CTNNA3: variants seen among roughly 807,000 people sequenced by gnomAD.
CTNNA3 encodes catenin alpha-3.
A neutral mutation model predicts 95.7 loss-of-function variants in CTNNA3; 76 were observed. That is an observed-to-expected ratio of 0.79 (90% CI 0.66 to 0.96). The LOEUF is 0.96. Among genes scored for constraint, CTNNA3 ranks in the 40% least tolerant of loss-of-function variants. CTNNA3 has a pLI of 0.00. For missense variants in CTNNA3, 1,191 were observed against 1,089.8 expected, an observed-to-expected ratio of 1.09 and a Z score of -1.31; for synonymous variants, 431 against 374.4, an observed-to-expected ratio of 1.15 and a Z score of -1.74.
chr10:66,720,488 C>T (rs895970614), intron 9 of CTNNA3, among the ~76,000 whole-genome samples: 11 of 152,132 alleles, frequency 7.2e-5, no homozygotes, highest in African/African-American at 2.7e-4. Context: ...TAGAGGAAGA[C>T]CCTTCTCTCT....
At chr10:66,594,047 C>T (rs1015247602) in intron 10 of CTNNA3, among the ~76,000 whole-genome samples, 2 of 152,284 alleles carry the variant, frequency 1.3e-5, no homozygotes, top group East Asian at 1.9e-4. Context: ...TTCCACCTGA[C>T]ACTTCCATTT....
chr10:66,704,844 C>T (rs7094174), intron 9 of CTNNA3, among the ~76,000 whole-genome samples: 136,831 of 152,222 alleles, frequency 0.9, 61,697 homozygotes, highest in East Asian at 1. Context: ...ATCTGTAAAG[C>T]TTTACTTCTT....
intron 1 of CTNNA3, among the ~76,000 whole-genome samples, chr10:67,706,880 G>A (rs926777263): frequency 1.3e-5 from 2 of 152,154 alleles, no homozygotes; most frequent in African/African-American, 4.8e-5. Context: ...TTGTCCATCT[G>A]AATAAACAAT....
At chr10:66,760,112 C>T (rs1174632770) in intron 9 of CTNNA3, among the ~76,000 whole-genome samples, 1 of 152,080 alleles carries the variant, frequency 6.6e-6, no homozygotes, top group Non-Finnish European at 1.5e-5. Context: ...ATTTTAAATG[C>T]AATCTATGTT....
At chr10:66,849,971 A>G (rs1168445030) in intron 7 of CTNNA3, among the ~76,000 whole-genome samples, 2 of 97,740 alleles carry the variant, frequency 2.0e-5, no homozygotes, top group East Asian at 5.9e-4. Flanking sequence ...ATTTGAAGAT[A>G]TGAGAGCATG....
At chr10:67,398,816 G>A (rs1564624822) in intron 5 of CTNNA3, among the ~76,000 whole-genome samples, 1 of 152,008 alleles carries the variant, frequency 6.6e-6, no homozygotes, top group Non-Finnish European at 1.5e-5. Context: ...GTTTTATAAG[G>A]GGCTTTTCCC....
At chr10:66,248,574 A>T (rs1381848088) in intron 13 of CTNNA3, among the ~76,000 whole-genome samples, 1 of 152,154 alleles carries the variant, frequency 6.6e-6, no homozygotes, top group African/African-American at 2.4e-5. Context: ...TGGAAACCAA[A>T]AAAAAGAGTA....
intron 5 of CTNNA3, among the ~76,000 whole-genome samples, chr10:67,510,533 G>A (rs1254309586): frequency 6.6e-6 from 1 of 150,910 alleles, no homozygotes; most frequent in East Asian, 1.9e-4. Flanking sequence ...TGAGGCCTCT[G>A]TTCTGTTCCA....
chr10:66,831,700 G>A (rs549618776), intron 7 of CTNNA3, among the ~76,000 whole-genome samples: 72 of 152,170 alleles, frequency 4.7e-4, no homozygotes, highest in Non-Finnish European at 9.4e-4. Flanking sequence ...ACAAAAAAAA[G>A]GGGAAGGAGC....
intron 4 of CTNNA3, among the ~76,000 whole-genome samples, chr10:67,529,439 A>G (rs1409495655): frequency 7.0e-6 from 1 of 143,498 alleles, no homozygotes; most frequent in Non-Finnish European, 1.5e-5. Context: ...TTATGTATCT[A>G]TATGAGAACA....
intron 1 of CTNNA3, among the ~76,000 whole-genome samples, chr10:67,658,457 A>G (rs764825675): frequency 2.2e-4 from 34 of 152,190 alleles, no homozygotes; most frequent in Non-Finnish European, 4.7e-4. Context: ...ATTATTCAAG[A>G]GTGCTTTCAT....
chr10:67,478,102 G>T (rs75813757), intron 5 of CTNNA3, among the ~76,000 whole-genome samples: 4,162 of 152,182 alleles, frequency 0.027, 94 homozygotes, highest in African/African-American at 0.05. Flanking sequence ...TTGAAGATAG[G>T]TCTTTTTGAA....
chr10:66,444,273 T>A (rs936088810), intron 11 of CTNNA3, among the ~76,000 whole-genome samples: 2 of 151,940 alleles, frequency 1.3e-5, no homozygotes, highest in African/African-American at 4.8e-5. Context: ...CAGGAGAACT[T>A]CCCCAGTCTA....
At chr10:66,221,379 A>C (rs2088919835) in intron 13 of CTNNA3, among the ~76,000 whole-genome samples, 1 of 152,218 alleles carries the variant, frequency 6.6e-6, no homozygotes, top group Non-Finnish European at 1.5e-5. Context: ...TGTAAGTGAT[A>C]TGTGGTCATG....
intron 12 of CTNNA3, among the ~76,000 whole-genome samples, chr10:66,346,246 T>TATATATATAGAGAGAGAG (rs1416945569): frequency 3.6e-5 from 1 of 27,782 alleles, no homozygotes; most frequent in Non-Finnish European, 7.6e-5. Context: ...TATATATATA[T>TATATATATAGAGAGAGAG]AGAGAGAGAG....
At chr10:66,302,768 A>G (rs976860876) in intron 12 of CTNNA3, among the ~76,000 whole-genome samples, 1 of 152,174 alleles carries the variant, frequency 6.6e-6, no homozygotes, top group Non-Finnish European at 1.5e-5. Flanking sequence ...ATAGTTTAAA[A>G]AAAGATTCTA....
At chr10:67,375,214 G>A (rs1044791285) in intron 5 of CTNNA3, among the ~76,000 whole-genome samples, 1 of 152,218 alleles carries the variant, frequency 6.6e-6, no homozygotes, top group Non-Finnish European at 1.5e-5. Flanking sequence ...AAACACAGGA[G>A]TTGAACTAGA....
At chr10:67,640,255 T>C (rs373022440) in intron 2 of CTNNA3, among the ~76,000 whole-genome samples, 2 of 152,164 alleles carry the variant, frequency 1.3e-5, no homozygotes, top group African/African-American at 2.4e-5. Context: ...CCATTCACAA[T>C]TGCTTCAAAG....
chr10:67,733,382 C>A (rs1274120571), intron 1 of CTNNA3, among the ~76,000 whole-genome samples: 1 of 152,092 alleles, frequency 6.6e-6, no homozygotes, highest in Non-Finnish European at 1.5e-5. Context: ...AGACATAATA[C>A]ATCTAAAATG....
Sources: gnomAD v4.1 joint callset for allele counts (sites outside exome capture counted in the v4.1 genomes callset) on GRCh38, gnomAD v4.1.1 for gene constraint, MANE v1.5 for transcripts, NCBI Gene and HGNC (gene_info 2026-07-23, HGNC 2026-07-21) for gene names.